Variants in THEMIS observed in about 807,000 individuals in gnomAD.
THEMIS encodes the protein protein THEMIS.
In THEMIS, 37 loss-of-function variants were observed where a neutral mutation model predicts 52.6. The ratio of observed to expected loss-of-function variants is 0.70; its 90% confidence interval spans 0.54 to 0.93. The LOEUF is 0.93. Among genes scored for constraint, THEMIS ranks in the 40% least tolerant of loss-of-function variants. THEMIS has a pLI of 0.00. For synonymous variants in THEMIS, 292 were observed against 272.7 expected, an observed-to-expected ratio of 1.07 and a Z score of -0.70; for missense variants, 808 against 763.1, an observed-to-expected ratio of 1.06 and a Z score of -0.69.
At chr6:127,906,581 A>G (rs1241514500) in intron 1 of THEMIS, among the ~76,000 whole-genome samples, 1 of 151,962 alleles carries the variant, frequency 6.6e-6, no homozygotes, top group Non-Finnish European at 1.5e-5. Context: ...CAACTGAAGC[A>G]TTTATTACTT....
chr6:127,878,941 G>C (rs776347288), intron 1 of THEMIS, among the ~76,000 whole-genome samples: 4 of 152,140 alleles, frequency 2.6e-5, no homozygotes, highest in Non-Finnish European at 5.9e-5. Flanking sequence ...GGTTTTTAAT[G>C]AATTGCTTAT....
intron 4 of THEMIS, among the ~76,000 whole-genome samples, chr6:127,758,184 A>G (rs1775899258): frequency 6.6e-6 from 1 of 150,930 alleles, no homozygotes; most frequent in South Asian, 2.1e-4. Context: ...TGTAATTTAA[A>G]AGGAGGGAGT....
In THEMIS at chr6:127,829,655, T is replaced by C. The variant is rs759946621; in HGVS notation, c.530A>G (p.Glu177Gly). The change falls in exon 3 of 6, where the codon GAA becomes GGA. Residue 177 changes from glutamate to glycine, a missense_variant. Transcript: ENST00000368248. ...LSQEGEFYECEDERIYTLKEI... is the reference protein window; with the variant it reads ...LSQEGEFYECGDERIYTLKEI... The stretch of plus-strand genomic sequence containing the variant: ...CTTTAGAGTGTAAATACGTTCATCT[T>C]CACACTCGTAGAATTCTCCTTCTTG... The C allele has an allele frequency of 3.1e-6, 5 of 1,613,980 alleles. No homozygotes were observed. In the East Asian group the frequency reaches 1.1e-4, roughly 36 times the overall value.
In THEMIS at chr6:127,813,485, C is replaced by G; in HGVS notation, c.1156G>C (p.Gly386Arg). Residue 386 changes from glycine to arginine, a missense_variant, in exon 4 of 6, where the codon GGG (glycine) becomes CGG (arginine). By Grantham distance (125) the Gly-to-Arg change is moderately radical. Coordinates refer to ENST00000368248, the MANE Select transcript of THEMIS (RefSeq NM_001010923.3). ...GACTGATGCACCAGAAACTGGTCCC[C>G]AACAGATACGGATGACAGCTTGTCA... is the stretch of plus-strand genomic sequence containing the variant. ...PHDKLSSVSVGDQFLVHQSET... is the reference protein window; with the variant it reads ...PHDKLSSVSVRDQFLVHQSET... 1 of 1,613,992 alleles carries G rather than the reference C, an allele frequency of 6.2e-7. No homozygotes were observed. Among genetic ancestry groups the G allele is most frequent in the Non-Finnish European group, 8.5e-7 (1 of 1,179,978 alleles).
intron 2 of THEMIS, among the ~76,000 whole-genome samples, chr6:127,835,978 T>C (rs2114680323): frequency 6.6e-6 from 1 of 152,262 alleles, no homozygotes; most frequent in Non-Finnish European, 1.5e-5. Flanking sequence ...ACATTTTAAA[T>C]GCAAATATTA....
At chr6:127,737,323 C>T (rs1254255398) in intron 4 of THEMIS, among the ~76,000 whole-genome samples, 24 of 152,242 alleles carry the variant, frequency 1.6e-4, no homozygotes, top group Admixed American at 1.5e-3. Context: ...CATATATCTT[C>T]AGGACAAAGG....
intron 3 of THEMIS, among the ~76,000 whole-genome samples, chr6:127,814,565 TTC>T (rs1452720357): frequency 6.6e-6 from 1 of 152,164 alleles, no homozygotes; most frequent in Non-Finnish European, 1.5e-5. Flanking sequence ...AATGTCAAAG[TTC>T]TTTCTTTCTC....
At chr6:127,882,593 T>C (rs1297399236) in intron 1 of THEMIS, among the ~76,000 whole-genome samples, 2 of 151,906 alleles carry the variant, frequency 1.3e-5, no homozygotes, top group East Asian at 1.9e-4. Context: ...TACAAGCTCA[T>C]GTAGAAAAAT....
chr6:127,735,514 A>G (rs1171697092), intron 4 of THEMIS, among the ~76,000 whole-genome samples: 1 of 152,176 alleles, frequency 6.6e-6, no homozygotes, highest in African/African-American at 2.4e-5. Flanking sequence ...TATTGGGGTT[A>G]TATGTTTGGG....
intron 4 of THEMIS, among the ~76,000 whole-genome samples, chr6:127,797,764 T>C (rs1243537446): frequency 6.6e-6 from 1 of 152,202 alleles, no homozygotes; most frequent in Non-Finnish European, 1.5e-5. Flanking sequence ...TTTGCTAACT[T>C]CTCAATGTTT....
chr6:127,878,782 A>T (rs16753), intron 1 of THEMIS, among the ~76,000 whole-genome samples: 14,826 of 152,224 alleles, frequency 0.097, 970 homozygotes, highest in Middle Eastern at 0.21. Flanking sequence ...TTTTCTAAAA[A>T]CATGATGCTT....
chr6:127,827,962 G>A (rs1778564600), intron 3 of THEMIS, among the ~76,000 whole-genome samples: 2 of 151,920 alleles, frequency 1.3e-5, no homozygotes, highest in East Asian at 3.9e-4. Context: ...TGCCCTCTCC[G>A]TTTTTTTCTC....
chr6:127,861,783 C>CAAAAAAAAAAAAAA (rs1225783673), intron 1 of THEMIS, among the ~76,000 whole-genome samples: 102 of 95,644 alleles, frequency 1.1e-3, no homozygotes, highest in Non-Finnish European at 1.3e-3. Context: ...GACTCCATCT[C>CAAAAAAAAAAAAAA]AAAAAAAAAA....
intron 4 of THEMIS, among the ~76,000 whole-genome samples, chr6:127,724,605 C>T (rs1774475136): frequency 6.6e-6 from 1 of 152,086 alleles, no homozygotes; most frequent in Non-Finnish European, 1.5e-5. Context: ...AAATAAGGTT[C>T]TGTTTATTCT....
chr6:127,779,875 G>C (rs560247522), intron 4 of THEMIS, among the ~76,000 whole-genome samples: 2 of 152,126 alleles, frequency 1.3e-5, no homozygotes, highest in Middle Eastern at 3.4e-3. Context: ...AAAAATTTCT[G>C]TTTCATAAAG....
intron 4 of THEMIS, among the ~76,000 whole-genome samples, chr6:127,804,209 C>G (rs187974268): frequency 6.6e-6 from 1 of 152,180 alleles, no homozygotes. Flanking sequence ...AATACAACCA[C>G]TACAGTATAA....
intron 3 of THEMIS, among the ~76,000 whole-genome samples, chr6:127,819,310 AT>A (rs1211120109): frequency 2.0e-5 from 3 of 151,894 alleles, no homozygotes; most frequent in African/African-American, 7.3e-5. Flanking sequence ...ACATAATATA[AT>A]ATCCAAGAAA....
At chr6:127,782,710 G>A (rs916644542) in intron 4 of THEMIS, among the ~76,000 whole-genome samples, 3 of 152,008 alleles carry the variant, frequency 2.0e-5, no homozygotes, top group African/African-American at 4.8e-5. Context: ...CGTAGATCTC[G>A]CTGGGAGCTG....
At chr6:127,812,172 G>A (rs1777930611) in intron 4 of THEMIS, among the ~76,000 whole-genome samples, 1 of 152,326 alleles carries the variant, frequency 6.6e-6, no homozygotes, top group Admixed American at 6.5e-5. Context: ...GCGCTTTGCA[G>A]GCAGCCAGAA....
Sources: gnomAD v4.1 joint callset for allele counts (sites outside exome capture counted in the v4.1 genomes callset) on GRCh38, gnomAD v4.1.1 for gene constraint, MANE v1.5 for transcripts, NCBI Gene and HGNC (gene_info 2026-07-23, HGNC 2026-07-21) for gene names.